Variants in NDEL1 observed in about 807,000 individuals in gnomAD.
NDEL1 encodes nuclear distribution protein nudE-like 1.
A neutral mutation model predicts 45.7 loss-of-function variants in NDEL1; 9 were observed. The ratio of observed to expected loss-of-function variants is 0.20; its 90% confidence interval spans 0.12 to 0.34. The LOEUF (loss-of-function observed/expected upper bound fraction) is 0.34. Among genes scored for constraint, NDEL1 ranks in the 10% least tolerant of loss-of-function variants. NDEL1 has a pLI of 1.00. For missense variants in NDEL1, 306 were observed against 406.2 expected, an observed-to-expected ratio of 0.75 and a Z score of 2.12; for synonymous variants, 133 against 158.6, an observed-to-expected ratio of 0.84 and a Z score of 1.21.
chr17:8,430,306 G>A (rs1597515741), intron 1 of NDEL1, among the ~76,000 whole-genome samples: 1 of 152,170 alleles, frequency 6.6e-6, no homozygotes, highest in African/African-American at 2.4e-5. Context: ...AAAAATGCTG[G>A]CCAAAGGAAT....
At chr17:8,427,589 C>T (rs1597514220) in intron 1 of NDEL1, among the ~76,000 whole-genome samples, 1 of 152,028 alleles carries the variant, frequency 6.6e-6, no homozygotes, top group East Asian at 1.9e-4. Flanking sequence ...ATAGTTCCAG[C>T]TACTCGGGGG....
At chr17:8,473,048 A>AAG (rs1436825393), downstream of NDEL1, among the ~76,000 whole-genome samples, 1 of 152,168 alleles carries the variant, frequency 6.6e-6, no homozygotes, top group Non-Finnish European at 1.5e-5. Context: ...GTCAGTCAAG[A>AAG]AGGGACCCTT....
Position 8,467,084 on chromosome 17 carries a change from C to A in NDEL1, c.*61C>A. On this transcript the variant is annotated 3_prime_UTR_variant, in exon 9 of 9. Coordinates refer to ENST00000334527, the MANE Select transcript of NDEL1 (RefSeq NM_030808.5). This position sits in a 1 kb window ranked among gnomAD's most constrained non-coding sequence, Gnocchi z 6.3. ...CCAACAACCCAGGACACCCACGCCT[C>A]ACCCCTCGGTGCCTGGGCCCAGCCC... is the stretch of plus-strand genomic sequence containing the variant. The A allele has an allele frequency of 6.5e-7, 1 of 1,539,992 alleles. No homozygotes were observed. Among genetic ancestry groups the A allele is most frequent in the Non-Finnish European group, 9.0e-7 (1 of 1,117,040 alleles).
rs1024919460 is a variant in NDEL1, at chr17:8,465,444, G to T, written c.945-1486G>T. 4 of 152,196 alleles carry T rather than the reference G, an allele frequency of 2.6e-5. No homozygotes were observed. The highest frequency in any genetic ancestry group is 4.4e-5 in the Non-Finnish European group (3 of 68,040). 9.4% of individuals were successfully genotyped at this position (152,196 alleles called of 1,614,324 possible). A position where few individuals can be genotyped will look rare whatever the true frequency, so the allele number is the denominator to read the frequency against. ...TCAGAGCCTTTCTCCTGGGGCTCTTGGTCTCTGTATGCGTGGTTGGAATTT... is the reference window on the plus strand; with the variant it reads ...TCAGAGCCTTTCTCCTGGGGCTCTTTGTCTCTGTATGCGTGGTTGGAATTT... On this transcript the variant is annotated intron_variant, in intron 8 of 8. Coordinates refer to ENST00000334527, the MANE Select transcript of NDEL1 (RefSeq NM_030808.5). The surrounding 1 kb of genome is among the most constrained non-coding windows in gnomAD (Gnocchi z 4.9).
chr17:8,463,081 T>C, intron 8 of NDEL1: 1 of 370,386 alleles, frequency 2.7e-6, no homozygotes, highest in Non-Finnish European at 4.9e-6. Context: ...TGGTCACCCT[T>C]TGTCTCACCA....
At chr17:8,446,966 A>G in intron 4 of NDEL1, 64 bp downstream of exon 4, 2 of 1,541,538 alleles carry the variant, frequency 1.3e-6, no homozygotes, top group East Asian at 2.4e-5. Context: ...TAAAATCTTT[A>G]TTAGGCTCTT....
chr17:8,431,083 G>A (rs1366291626), upstream of NDEL1: 1 of 152,310 alleles, frequency 6.6e-6, no homozygotes, highest in Non-Finnish European at 1.5e-5. Flanking sequence ...GGAAGATGAT[G>A]CCAACATTTT....
At chr17:8,448,174 C>T (rs1910218673) in intron 4 of NDEL1, among the ~76,000 whole-genome samples, 1 of 152,128 alleles carries the variant, frequency 6.6e-6, no homozygotes, top group Admixed American at 6.5e-5. Context: ...CTTAGGTTCC[C>T]TGACTTGGGA....
At chr17:8,423,716 G>A (rs1908757412) in intron 1 of NDEL1, among the ~76,000 whole-genome samples, 1 of 151,858 alleles carries the variant, frequency 6.6e-6, no homozygotes, top group Non-Finnish European at 1.5e-5. Context: ...AAAAAAGGAG[G>A]GAATTGTACA....
upstream of NDEL1, among the ~76,000 whole-genome samples, chr17:8,431,528 A>G (rs1359431214): frequency 6.6e-6 from 1 of 152,204 alleles, no homozygotes; most frequent in East Asian, 1.9e-4. Context: ...GTAATTGCTA[A>G]TACTCCCCCT....
intron 2 of NDEL1, 143 bp from the exon 3 acceptor site, chr17:8,445,567 GA>G: frequency 1.3e-6 from 1 of 781,594 alleles, no homozygotes; most frequent in South Asian, 2.4e-5. Context: ...TATACAGTAA[GA>G]GATGCAAAAC....
chr17:8,439,873 T>G (rs571109649), intron 1 of NDEL1, among the ~76,000 whole-genome samples: 2 of 152,258 alleles, frequency 1.3e-5, no homozygotes, highest in Non-Finnish European at 2.9e-5. Flanking sequence ...TTATCCCCAT[T>G]TTACAGGTGA....
At chr17:8,459,368 G>C (rs912348756) in intron 7 of NDEL1, among the ~76,000 whole-genome samples, 2 of 152,144 alleles carry the variant, frequency 1.3e-5, no homozygotes, top group African/African-American at 4.8e-5. Flanking sequence ...GTGGTGACAG[G>C]TGCAAAACAA....
intron 2 of NDEL1, 146 bp downstream of exon 2, chr17:8,444,503 A>G: frequency 3.3e-6 from 2 of 602,882 alleles, no homozygotes; most frequent in Non-Finnish European, 5.9e-6. Context: ...CAGTCACCAC[A>G]TGGGTTGTAT....
intron 1 of NDEL1, among the ~76,000 whole-genome samples, chr17:8,428,897 T>G (rs1163754627): frequency 2.6e-5 from 4 of 151,048 alleles, no homozygotes; most frequent in Admixed American, 6.6e-5. Flanking sequence ...ATGGTCTCGA[T>G]CTCCTGACCT....
chr17:8,419,730 T>C (rs1194344573), intron 1 of NDEL1, among the ~76,000 whole-genome samples: 1 of 152,162 alleles, frequency 6.6e-6, no homozygotes, highest in Non-Finnish European at 1.5e-5. Context: ...GGTTACATTA[T>C]TACTAATTCC....
intron 8 of NDEL1, among the ~76,000 whole-genome samples, chr17:8,460,636 G>A (rs1490070102): frequency 6.6e-6 from 1 of 152,160 alleles, no homozygotes; most frequent in African/African-American, 2.4e-5. Flanking sequence ...ATAAAGTTAA[G>A]GCTTTTTTGA....
chr17:8,463,057 GTT>G (rs541370933), intron 8 of NDEL1: 30 of 310,980 alleles, frequency 9.6e-5, no homozygotes, highest in Admixed American at 2.6e-4. Context: ...GTGCCGAGCT[GTT>G]TCCTTCAACC....
At chr17:8,418,956 C>T (rs1908638922) in intron 1 of NDEL1, among the ~76,000 whole-genome samples, 1 of 151,928 alleles carries the variant, frequency 6.6e-6, no homozygotes, top group South Asian at 2.1e-4. Context: ...TCAAGTGATC[C>T]TCCCACCAGA....
Sources: allele counts gnomAD v4.1 joint callset (sites outside exome capture counted in the v4.1 genomes callset), GRCh38; gene constraint gnomAD v4.1.1; non-coding constraint Gnocchi (gnomAD v3.1); transcripts MANE v1.5; gene names NCBI Gene and HGNC (gene_info 2026-07-23, HGNC 2026-07-21).